FBN2: variants seen among roughly 807,000 people sequenced by gnomAD.
The protein encoded by FBN2 is fibrillin 2.
Under a neutral mutation model 355.6 loss-of-function variants are expected in FBN2, and 105 were observed. The ratio of observed to expected loss-of-function variants is 0.30; its 90% confidence interval spans 0.25 to 0.35. The LOEUF is 0.35. FBN2 is among the 10% of genes least tolerant of loss of function. FBN2 has a pLI of 1.00. For synonymous variants in FBN2, 1,350 were observed against 1,301.2 expected (o/e 1.04, Z -0.81); for missense variants, 3,280 against 3,758.7 (o/e 0.87, Z 3.33).
intron 6 of FBN2, among the ~76,000 whole-genome samples, chr5:128,460,875 T>C (rs746226972): frequency 3.3e-5 from 5 of 152,124 alleles, no homozygotes; most frequent in Non-Finnish European, 5.9e-5. Flanking sequence ...AAGACTTAAA[T>C]GTAAAATCCA....
chr5:128,318,356 T>A, intron 35 of FBN2, 85 bp from the exon 36 acceptor site: 1 of 1,373,098 alleles, frequency 7.3e-7, no homozygotes, highest in African/African-American at 1.4e-5. Context: ...GTGGAATTTT[T>A]GCAAGTGAGT....
At chr5:128,308,848 A>C (rs906789743) in intron 41 of FBN2, among the ~76,000 whole-genome samples, 7 of 152,244 alleles carry the variant, frequency 4.6e-5, no homozygotes, top group Admixed American at 3.9e-4. Context: ...ACTAAAAAAA[A>C]ATCCTTATTG....
chr5:128,533,645 A>C, intron 2 of FBN2, among the ~76,000 whole-genome samples: 1 of 152,010 alleles, frequency 6.6e-6, no homozygotes, highest in East Asian at 1.9e-4. Flanking sequence ...CTCCAGAAAA[A>C]CCCACAGCCT....
At chr5:128,485,965 A>G (rs1283852576) in intron 5 of FBN2, among the ~76,000 whole-genome samples, 1 of 152,214 alleles carries the variant, frequency 6.6e-6, no homozygotes, top group African/African-American at 2.4e-5. Context: ...CTGAGTGATC[A>G]CAGGGAATTC....
intron 22 of FBN2, 119 bp downstream of exon 22, chr5:128,349,836 T>C: frequency 1.2e-6 from 1 of 817,554 alleles, no homozygotes; most frequent in East Asian, 2.6e-5. Flanking sequence ...CATCGAGTAT[T>C]TTTATTGAAA....
At chr5:128,499,737 C>G (rs1376576962) in intron 5 of FBN2, among the ~76,000 whole-genome samples, 1 of 152,082 alleles carries the variant, frequency 6.6e-6, no homozygotes, top group Non-Finnish European at 1.5e-5. Flanking sequence ...CGCTCAAGAA[C>G]ACAGTAATCT....
At chr5:128,286,655 G>C in intron 55 of FBN2, 63 bp downstream of exon 55, 2 of 1,586,252 alleles carry the variant, frequency 1.3e-6, no homozygotes, top group South Asian at 1.1e-5. Flanking sequence ...TGTGGGAGTA[G>C]TGCCATTAAT....
At chr5:128,521,408 T>TTTATCCTGAACAAGCTAATTAA (rs1381846361) in intron 4 of FBN2, among the ~76,000 whole-genome samples, 1 of 152,060 alleles carries the variant, frequency 6.6e-6, no homozygotes. Context: ...AAATAGCTAA[T>TTTATCCTGAACAAGCTAATTAA]GCATGCGGGG....
At chr5:128,389,793 G>A (rs1752463709) in intron 11 of FBN2, among the ~76,000 whole-genome samples, 1 of 152,102 alleles carries the variant, frequency 6.6e-6, no homozygotes, top group African/African-American at 2.4e-5. Context: ...CACTTCTCAG[G>A]GTCAGGAACA....
At chr5:128,431,422 TC>T (rs1753624018) in intron 7 of FBN2, among the ~76,000 whole-genome samples, 1 of 152,204 alleles carries the variant, frequency 6.6e-6, no homozygotes, top group Non-Finnish European at 1.5e-5. Context: ...GTTCACGTCT[TC>T]TACCCACAAA....
chr5:128,337,208 T>A (rs1019560626), intron 27 of FBN2, among the ~76,000 whole-genome samples: 1 of 152,200 alleles, frequency 6.6e-6, no homozygotes, highest in Non-Finnish European at 1.5e-5. Context: ...TATCTATTTA[T>A]CTATGACAAA....
At chr5:128,496,996 C>A (rs367923924) in intron 5 of FBN2, among the ~76,000 whole-genome samples, 4 of 151,386 alleles carry the variant, frequency 2.6e-5, no homozygotes, top group East Asian at 1.9e-4. Context: ...AAAAGAAGTA[C>A]GAAACTATAC....
intron 5 of FBN2, among the ~76,000 whole-genome samples, chr5:128,490,968 G>C (rs2127125691): frequency 6.6e-6 from 1 of 152,226 alleles, no homozygotes; most frequent in South Asian, 2.1e-4. Context: ...AGTTTGCTCT[G>C]ATCTATTTCC....
chr5:128,447,683 G>A (rs1754105481), intron 6 of FBN2, among the ~76,000 whole-genome samples: 1 of 152,084 alleles, frequency 6.6e-6, no homozygotes, highest in African/African-American at 2.4e-5. Flanking sequence ...TGATCTCTGT[G>A]ACCCACAGCC....
intron 5 of FBN2, among the ~76,000 whole-genome samples, chr5:128,493,392 GATAATA>G: frequency 6.6e-6 from 1 of 152,126 alleles, no homozygotes; most frequent in East Asian, 1.9e-4. Flanking sequence ...AGAGAGAAAA[GATAATA>G]ATAATGATGA....
chr5:128,335,469 C>T lies in FBN2; in HGVS notation c.3833G>A (p.Gly1278Glu), dbSNP rs200698937. The T allele has an allele frequency of 8.7e-6, 14 of 1,614,082 alleles. No homozygotes were observed. The South Asian group carries it at 1.5e-4, about 18-fold the overall frequency. ...CSEGYALMPDGRSCADIDECE... is the reference protein window; with the variant it reads ...CSEGYALMPDERSCADIDECE... ...CCTTTCTATACCTGCACACGATCTC[C>T]CATCTGGCATCAGGGCATAACCCTC... is the stretch of plus-strand genomic sequence containing the variant. The change falls in exon 29 of 65, where the codon GGG (glycine) becomes GAG (glutamate). Residue 1278 changes from glycine (G) to glutamate (E), a missense_variant. This residue lies in a region of FBN2 where 2,284 missense variants were observed against 2,749.5 expected (regional missense o/e 0.83). Coordinates refer to ENST00000262464, the MANE Select transcript of FBN2 (RefSeq NM_001999.4).
intron 33 of FBN2, among the ~76,000 whole-genome samples, 194 bp from the exon 34 acceptor site, chr5:128,329,015 T>C (rs1174105426): frequency 1.2e-4 from 19 of 152,120 alleles, no homozygotes; most frequent in Admixed American, 1.2e-3. Context: ...TAACATTCAA[T>C]TGTAATATAA....
chr5:128,519,040 G>A (rs886887214), intron 5 of FBN2, among the ~76,000 whole-genome samples: 6 of 152,180 alleles, frequency 3.9e-5, no homozygotes, highest in Non-Finnish European at 8.8e-5. Context: ...AATTACCCTA[G>A]AGCCATAGCC....
rs572882214 is a variant in FBN2 at position 128,283,489 on chromosome 5, A to G, written c.7013-3172T>C. 2.0e-5 allele frequency among the ~76,000 whole-genome samples: 3 copies of G among 152,318 alleles called. No homozygotes were observed. In the South Asian group the frequency reaches 6.2e-4, roughly 32 times the overall value. ...TTAGTTCTCAGGACATCACACGGACATGGAGAACTTCCTATCTTGCTGGCT... is the reference window on the plus strand; with the variant it reads ...TTAGTTCTCAGGACATCACACGGACGTGGAGAACTTCCTATCTTGCTGGCT... On this transcript the variant is annotated intron_variant, in intron 55 of 64. Transcript: ENST00000262464.
Sources: allele counts gnomAD v4.1 joint callset (sites outside exome capture counted in the v4.1 genomes callset), GRCh38; gene constraint gnomAD v4.1.1; regional missense constraint gnomAD v4.1.1; transcripts MANE v1.5; gene names NCBI Gene and HGNC (gene_info 2026-07-23, HGNC 2026-07-21).